Variants in FBXW11 observed in about 807,000 individuals in gnomAD.
FBXW11 encodes the protein F-box/WD repeat-containing protein 11.
A neutral mutation model predicts 77.6 loss-of-function variants in FBXW11; 19 were observed. That is an observed-to-expected ratio of 0.24 (90% CI 0.17 to 0.36). The LOEUF is 0.36. Among genes scored for constraint, FBXW11 ranks in the 10% least tolerant of loss-of-function variants. The pLI is 1.00. For synonymous variants in FBXW11, 235 were observed against 249.4 expected, an observed-to-expected ratio of 0.94 and a Z score of 0.54; for missense variants, 334 against 704.2, an observed-to-expected ratio of 0.47 and a Z score of 5.95.
At chr5:171,889,849 T>C (rs867779921) in intron 7 of FBXW11, among the ~76,000 whole-genome samples, 1 of 152,162 alleles carries the variant, frequency 6.6e-6, no homozygotes, top group Middle Eastern at 3.4e-3. Flanking sequence ...GATCGTGCCA[T>C]TGCACTCTAA....
chr5:171,999,969 T>C (rs771646761), intron 1 of FBXW11, among the ~76,000 whole-genome samples: 3 of 152,206 alleles, frequency 2.0e-5, no homozygotes, highest in Non-Finnish European at 2.9e-5. Flanking sequence ...TTCCATCTTT[T>C]AGTTTCATTA....
intron 2 of FBXW11, among the ~76,000 whole-genome samples, chr5:171,915,738 T>G (rs1265987050): frequency 1.3e-5 from 2 of 151,810 alleles, no homozygotes; most frequent in African/African-American, 2.4e-5. Flanking sequence ...CAATGCTTAG[T>G]GCATAATGGG....
At chr5:171,875,013 A>G (rs72835253) in intron 9 of FBXW11, among the ~76,000 whole-genome samples, 1 of 152,180 alleles carries the variant, frequency 6.6e-6, no homozygotes, top group Non-Finnish European at 1.5e-5. Flanking sequence ...AAACTTCTAC[A>G]CTAATATTTA....
chr5:171,920,506 G>A (rs994446972), intron 2 of FBXW11, among the ~76,000 whole-genome samples: 1 of 151,160 alleles, frequency 6.6e-6, no homozygotes, highest in African/African-American at 2.4e-5. Flanking sequence ...GAGGAGGACT[G>A]CCTGAGGCGA....
intron 1 of FBXW11, among the ~76,000 whole-genome samples, chr5:172,006,256 G>A (rs549802729): frequency 6.6e-6 from 1 of 152,216 alleles, no homozygotes; most frequent in Non-Finnish European, 1.5e-5. Flanking sequence ...GGCATGGAGG[G>A]GGCCGGGCCA....
intron 6 of FBXW11, among the ~76,000 whole-genome samples, chr5:171,895,098 T>C (rs2113860297): frequency 6.6e-6 from 1 of 152,306 alleles, no homozygotes; most frequent in East Asian, 1.9e-4. Context: ...ATTACCTTAA[T>C]GCCAGCAGCA....
chr5:171,976,979 G>C (rs113708915), intron 1 of FBXW11, among the ~76,000 whole-genome samples: 3,211 of 151,624 alleles, frequency 0.021, 111 homozygotes, highest in African/African-American at 0.073. Context: ...CTAGGAGGCA[G>C]AGGTTGAAGA....
chr5:171,995,419 C>T (rs1184969262), intron 1 of FBXW11, among the ~76,000 whole-genome samples: 2 of 152,066 alleles, frequency 1.3e-5, no homozygotes, highest in African/African-American at 4.8e-5. Context: ...AGTAAGCAAG[C>T]ATTTAATCAT....
At chr5:171,913,856 C>T (rs1447255725) in intron 3 of FBXW11, among the ~76,000 whole-genome samples, 4 of 151,334 alleles carry the variant, frequency 2.6e-5, no homozygotes, top group Non-Finnish European at 5.9e-5. Flanking sequence ...CACACACACA[C>T]ACACACACAC....
intron 2 of FBXW11, among the ~76,000 whole-genome samples, chr5:171,930,962 A>C (rs1408249707): frequency 6.6e-6 from 1 of 152,076 alleles, no homozygotes; most frequent in Non-Finnish European, 1.5e-5. Flanking sequence ...ATTAGGTATA[A>C]ATCTAACAAT....
intron 1 of FBXW11, among the ~76,000 whole-genome samples, chr5:171,988,348 C>CA (rs1021300895): frequency 1.3e-4 from 19 of 149,930 alleles, no homozygotes; most frequent in Admixed American, 7.3e-4. Context: ...AACAAACAAA[C>CA]AAAAAAAACA....
At position 171,869,362 on chromosome 5, in the gene FBXW11, A is replaced by T. The variant is rs1757621593; in HGVS notation, c.1530+367T>A. On this transcript the variant is annotated intron_variant, in intron 12 of 13. Coordinates refer to ENST00000517395, the MANE Select transcript of FBXW11 (RefSeq NM_001378974.1). The surrounding 1 kb of genome is among the most constrained non-coding windows in gnomAD (Gnocchi z 4.1). ...AAATATAACAGTACTTATAAATGGT[A>T]TAAAAATTTATATATAGTATAAAAA... is the stretch of plus-strand genomic sequence containing the variant. Among the ~76,000 whole-genome samples, 1 of 152,232 alleles carries T rather than the reference A, an allele frequency of 6.6e-6. No individual in the cohort carries two copies. The highest frequency in any genetic ancestry group is 2.4e-5 in the African/African-American group (1 of 41,466).
chr5:171,916,422 G>C, intron 2 of FBXW11: 1 of 984,886 alleles, frequency 1.0e-6, no homozygotes, highest in Non-Finnish European at 1.2e-6. Flanking sequence ...GAGGGAGAGG[G>C]ACAGGAGGGT....
intron 13 of FBXW11, 111 bp downstream of exon 13, chr5:171,868,499 T>A: frequency 2.4e-6 from 2 of 844,400 alleles, no homozygotes; most frequent in South Asian, 3.4e-5. Flanking sequence ...AGTTGACACG[T>A]CTAAGAGAGA....
At chr5:171,977,309 C>T (rs76230592) in intron 1 of FBXW11, among the ~76,000 whole-genome samples, 1 of 62,882 alleles carries the variant, frequency 1.6e-5, no homozygotes, top group African/African-American at 5.4e-5. Context: ...GACCATGTCT[C>T]AAAAAAAAAA....
chr5:171,892,561 G>A lies in FBXW11; in HGVS notation c.715-957C>T, dbSNP rs200139197. On this transcript the variant is annotated intron_variant, in intron 6 of 13. Coordinates refer to ENST00000517395, the MANE Select transcript of FBXW11 (RefSeq NM_001378974.1). The stretch of plus-strand genomic sequence containing the variant: ...AAGAAGATCAGTAACAATTCCAAAA[G>A]TGCCAAATGAGTGATAAAAATTCTA... 2.6e-5 allele frequency among the ~76,000 whole-genome samples: 4 copies of A among 152,194 alleles called. No homozygotes were observed. The East Asian group carries it at 7.7e-4, about 29-fold the overall frequency.
chr5:171,924,490 ACT>A (rs1761777832), intron 2 of FBXW11, among the ~76,000 whole-genome samples: 1 of 152,184 alleles, frequency 6.6e-6, no homozygotes, highest in Admixed American at 6.5e-5. Flanking sequence ...TCCGCTGAGA[ACT>A]GTTTTGTCGC....
In FBXW11 at chr5:171,870,859, C is replaced by G. The variant is rs1310251343; in HGVS notation, c.1341-1G>C. 6.2e-7 allele frequency: 1 copy of G among 1,608,318 alleles called. No homozygotes were observed. Among genetic ancestry groups the G allele is most frequent in the Non-Finnish European group, 8.5e-7 (1 of 1,175,282 alleles). ...GGCACCACATTCAATATCCCAGAGC[C>G]TTGAATGAAAAACAGACCTCTGTGA... On this transcript the variant is annotated splice_acceptor_variant, in intron 10 of 13. Coordinates refer to ENST00000517395, the MANE Select transcript of FBXW11 (RefSeq NM_001378974.1). LOFTEE classifies it high-confidence loss of function.
chr5:171,972,631 G>A (rs530349986), intron 1 of FBXW11, among the ~76,000 whole-genome samples: 5 of 145,754 alleles, frequency 3.4e-5, no homozygotes, highest in East Asian at 2.1e-4. Flanking sequence ...TGCAACCTCC[G>A]CTTCCTGGCT....
Sources: gnomAD v4.1 joint callset for allele counts (sites outside exome capture counted in the v4.1 genomes callset) on GRCh38, gnomAD v4.1.1 for gene constraint, Gnocchi (gnomAD v3.1) non-coding constraint, MANE v1.5 for transcripts, NCBI Gene and HGNC (gene_info 2026-07-23, HGNC 2026-07-21) for gene names.